ATP2C1: variants seen among roughly 807,000 people sequenced by gnomAD.
The protein encoded by ATP2C1 is ATPase secretory pathway Ca2+ transporting 1.
ATP2C1 carries 31 observed loss-of-function variants against 120.5 expected under a neutral mutation model. The observed-to-expected ratio is 0.26, with a 90% CI of 0.19 to 0.35. The LOEUF is 0.35. Ranked by LOEUF, ATP2C1 falls within the 10% of genes least tolerant of loss-of-function variation. The pLI is 1.00. For missense variants in ATP2C1, 731 were observed against 1,107.5 expected (o/e 0.66, Z 4.83); for synonymous variants, 351 against 358.7 (o/e 0.98, Z 0.24).
At chr3:130,998,791 T>C (rs963852334) in intron 26 of ATP2C1, among the ~76,000 whole-genome samples, 16 of 152,158 alleles carry the variant, frequency 1.1e-4, no homozygotes, top group African/African-American at 3.6e-4. Context: ...TTTTTTCCCA[T>C]CACTCCTGTC....
chr3:130,973,008 A>G (rs907616786), intron 17 of ATP2C1, among the ~76,000 whole-genome samples: 11 of 152,342 alleles, frequency 7.2e-5, no homozygotes, highest in Non-Finnish European at 1.5e-4. Context: ...TGTTTATTAA[A>G]TAAAGTCAAG....
At chr3:130,857,936 C>T (rs1053495339) in intron 1 of ATP2C1, among the ~76,000 whole-genome samples, 1 of 152,150 alleles carries the variant, frequency 6.6e-6, no homozygotes, top group Non-Finnish European at 1.5e-5. Context: ...GCTGACTGTG[C>T]AGCCTTCAGT....
At chr3:130,918,522 C>T in intron 2 of ATP2C1, 1 of 756,644 alleles carries the variant, frequency 1.3e-6, no homozygotes, top group Non-Finnish European at 2.5e-6. Flanking sequence ...GCTGAACACT[C>T]TGGCTTGATG....
At chr3:130,957,647 A>G (rs2060638632) in intron 11 of ATP2C1, among the ~76,000 whole-genome samples, 1 of 152,128 alleles carries the variant, frequency 6.6e-6, no homozygotes, top group Admixed American at 6.6e-5. Context: ...CCTGGGGTTC[A>G]AGTGATTTCC....
intron 1 of ATP2C1, among the ~76,000 whole-genome samples, chr3:130,883,351 C>T (rs1411062475): frequency 6.6e-6 from 1 of 151,842 alleles, no homozygotes. Flanking sequence ...TATTTCTGCT[C>T]TGATCTTTAT....
intron 19 of ATP2C1, among the ~76,000 whole-genome samples, chr3:130,979,666 A>AT: frequency 2.4e-5 from 1 of 41,022 alleles, no homozygotes; most frequent in Middle Eastern, 0.02. Flanking sequence ...AAGGGTAATT[A>AT]TTTTTAATCT....
chr3:131,000,112 A>G (rs1037410251), intron 27 of ATP2C1, among the ~76,000 whole-genome samples: 1 of 152,226 alleles, frequency 6.6e-6, no homozygotes, highest in Non-Finnish European at 1.5e-5. Flanking sequence ...AAATAGCAGA[A>G]TGTTTTATAA....
Position 130,894,430 on chromosome 3 carries a change from T to G in ATP2C1, c.-181+93T>G. 1.6e-6 allele frequency: 2 copies of G among 1,271,698 alleles called. No homozygotes were observed. The highest frequency in any genetic ancestry group is 1.7e-5 in the South Asian group (1 of 58,190). The allele number at this position is 1,271,698 out of a possible 1,614,324, so 78.8% of individuals were successfully genotyped here. On this transcript the variant is annotated intron_variant, in intron 1 of 27. Coordinates refer to ENST00000510168, the MANE Select transcript of ATP2C1 (RefSeq NM_001378687.1). This position sits in a 1 kb window ranked among gnomAD's most constrained non-coding sequence, Gnocchi z 4.5. ...CGGGTATCCCCTGGATGGGGGGGCA[T>G]CTCTAGGGCGCCGCCCCGCTGGCGT...
At chr3:130,940,597 AAAATT>A (rs764409702) in intron 6 of ATP2C1, 28 bp from the exon 7 acceptor site, 2 of 1,455,750 alleles carry the variant, frequency 1.4e-6, no homozygotes, top group Middle Eastern at 1.7e-4. Context: ...TCATGGGAGC[AAAATT>A]AAATTCTACT....
intron 2 of ATP2C1, among the ~76,000 whole-genome samples, chr3:130,900,726 C>T (rs147303190): frequency 1.2e-3 from 189 of 152,310 alleles, no homozygotes; most frequent in Non-Finnish European, 2.2e-3. Flanking sequence ...AGTACATAAA[C>T]GTTCTGTTAT....
chr3:130,925,129 T>A (rs2059146067), intron 2 of ATP2C1, among the ~76,000 whole-genome samples: 1 of 152,174 alleles, frequency 6.6e-6, no homozygotes, highest in African/African-American at 2.4e-5. Flanking sequence ...GTACGATCTT[T>A]TGGTGGTGTT....
At chr3:130,993,182 G>C (rs2062435658) in intron 21 of ATP2C1, among the ~76,000 whole-genome samples, 181 bp downstream of exon 21, 1 of 151,898 alleles carries the variant, frequency 6.6e-6, no homozygotes, top group Non-Finnish European at 1.5e-5. Context: ...GTTGGCATAA[G>C]ATGTAGAAGA....
intron 2 of ATP2C1, among the ~76,000 whole-genome samples, chr3:130,922,716 AGTC>A (rs1365849751): frequency 6.6e-6 from 1 of 152,204 alleles, no homozygotes; most frequent in East Asian, 1.9e-4. Context: ...ATTGACTTGA[AGTC>A]GTCATTCAAG....
At chr3:130,932,640 T>A (rs988482909) in intron 4 of ATP2C1, among the ~76,000 whole-genome samples, 1 of 152,152 alleles carries the variant, frequency 6.6e-6, no homozygotes, top group Non-Finnish European at 1.5e-5. Flanking sequence ...TTATTTATAT[T>A]TTTTCATCCT....
At chr3:130,972,423 T>C (rs2061358110) in intron 17 of ATP2C1, among the ~76,000 whole-genome samples, 1 of 152,232 alleles carries the variant, frequency 6.6e-6, no homozygotes, top group African/African-American at 2.4e-5. Context: ...CAGTTGATCC[T>C]TAGCTCTGCC....
chr3:130,878,005 G>C (rs1388358607), intron 1 of ATP2C1, among the ~76,000 whole-genome samples: 1 of 151,860 alleles, frequency 6.6e-6, no homozygotes, highest in African/African-American at 2.4e-5. Context: ...GGATGAAGCT[G>C]GACACCATCA....
At chr3:130,880,172 G>C (rs1027941437) in intron 1 of ATP2C1, among the ~76,000 whole-genome samples, 1 of 152,150 alleles carries the variant, frequency 6.6e-6, no homozygotes, top group African/African-American at 2.4e-5. Context: ...CAAAGGGCCT[G>C]GTGTCATTTT....
At chr3:130,927,057 C>T (rs950619477) in intron 2 of ATP2C1, among the ~76,000 whole-genome samples, 1 of 152,084 alleles carries the variant, frequency 6.6e-6, no homozygotes, top group East Asian at 1.9e-4. Flanking sequence ...ATTCTTGGAC[C>T]CCAAAGCAGG....
chr3:130,971,948 C>G (rs770726294), intron 17 of ATP2C1, among the ~76,000 whole-genome samples: 6 of 152,156 alleles, frequency 3.9e-5, no homozygotes, highest in Non-Finnish European at 8.8e-5. Context: ...CTGTCATTCC[C>G]TAAGTAAGAA....
Sources: gnomAD v4.1 joint callset for allele counts (sites outside exome capture counted in the v4.1 genomes callset) on GRCh38, gnomAD v4.1.1 for gene constraint, Gnocchi (gnomAD v3.1) non-coding constraint, MANE v1.5 for transcripts, NCBI Gene and HGNC (gene_info 2026-07-23, HGNC 2026-07-21) for gene names.